Variants in CCDC32 observed in about 807,000 individuals in gnomAD.
The protein encoded by CCDC32 is coiled-coil domain containing 32, also known as coiled-coil domain-containing protein 32.
CCDC32 carries 9 observed loss-of-function variants against 20.1 expected under a neutral mutation model. The ratio of observed to expected loss-of-function variants is 0.45; its 90% CI spans 0.27 to 0.78. The LOEUF (loss-of-function observed/expected upper bound fraction) is 0.78, where lower values mean the gene tolerates loss of function less well. Among genes scored for constraint, CCDC32 ranks in the 30% least tolerant of loss-of-function variants. The pLI is 0.16. For missense variants in CCDC32, 204 were observed against 215.5 expected (o/e 0.95, Z 0.33); for synonymous variants, 63 against 79.0 (o/e 0.80, Z 1.07).
chr15:40,540,549 A>C (rs1429120124), intron 3 of CCDC32, among the ~76,000 whole-genome samples: 1 of 151,526 alleles, frequency 6.6e-6, no homozygotes, highest in East Asian at 1.9e-4. Context: ...TTGTATTTTT[A>C]GTAGAAACAG....
At chr15:40,551,956 T>G (rs1889895777), downstream of CCDC32, among the ~76,000 whole-genome samples, 1 of 151,290 alleles carries the variant, frequency 6.6e-6, no homozygotes, top group Admixed American at 6.6e-5. Context: ...GGTTCGAGAC[T>G]AACCTGGGCA....
chr15:40,533,102 G>T (rs2141599149), downstream of CCDC32, among the ~76,000 whole-genome samples: 1 of 152,252 alleles, frequency 6.6e-6, no homozygotes, highest in African/African-American at 2.4e-5. Flanking sequence ...ACCAGGTGCT[G>T]CCCACCACAG....
intron 3 of CCDC32, among the ~76,000 whole-genome samples, chr15:40,555,072 A>G (rs1020436760): frequency 2.0e-5 from 3 of 152,214 alleles, no homozygotes; most frequent in Non-Finnish European, 4.4e-5. Context: ...CCATTGTAAA[A>G]TGGCCTCTGT....
At chr15:40,552,406 G>A (rs1318905846), downstream of CCDC32, among the ~76,000 whole-genome samples, 1 of 148,424 alleles carries the variant, frequency 6.7e-6, no homozygotes, top group Non-Finnish European at 1.5e-5. Flanking sequence ...GCTTGAACCC[G>A]GGAGGCAGAG....
the CCDC32 span, among the ~76,000 whole-genome samples, chr15:40,521,167 A>C: frequency 6.6e-6 from 1 of 152,202 alleles, no homozygotes; most frequent in Non-Finnish European, 1.5e-5. Context: ...GGACCAGTGC[A>C]GTTCAAACCT....
intron 2 of CCDC32, 101 bp from the exon 3 acceptor site, chr15:40,557,473 G>A (rs979311682): frequency 1.6e-6 from 2 of 1,263,966 alleles, no homozygotes; most frequent in Non-Finnish European, 2.2e-6. Context: ...TCTCACCGAT[G>A]AGGACATCCA....
chr15:40,562,966 T>A lies in CCDC32; in HGVS notation c.50A>T (p.Asp17Val). Residue 17 changes from aspartate (D) to valine (V), a missense_variant, in exon 2 of 4, where the codon GAT (aspartate) becomes GTT (valine). By Grantham distance (152) the Asp-to-Val change is radical. Transcript: ENST00000416810. ...ACAGGAACAAATTTCAGCCCAGAGA[T>A]CCTGGCCAGATCTTGTGGCTGTAGA... ...ADSTATRSGQDLWAEICSCLP... is the reference protein window; with the variant it reads ...ADSTATRSGQVLWAEICSCLP... 1 of 1,614,202 alleles carries A rather than the reference T, an allele frequency of 6.2e-7. No individual in the cohort carries two copies. Among genetic ancestry groups the A allele is most frequent in the East Asian group, 2.2e-5 (1 of 44,884 alleles).
downstream of CCDC32, among the ~76,000 whole-genome samples, chr15:40,551,059 G>T (rs890130028): frequency 2.0e-5 from 3 of 152,108 alleles, no homozygotes; most frequent in African/African-American, 7.2e-5. Flanking sequence ...CATGCAGGGA[G>T]AATAAAAATT....
chr15:40,558,954 C>T (rs1300781665), intron 2 of CCDC32, among the ~76,000 whole-genome samples: 2 of 152,054 alleles, frequency 1.3e-5, no homozygotes, highest in Non-Finnish European at 1.5e-5. Flanking sequence ...CAGGCGCACA[C>T]CATCACACGT....
downstream of CCDC32, among the ~76,000 whole-genome samples, chr15:40,548,736 TGA>T (rs746375467): frequency 1.5e-3 from 232 of 150,120 alleles, no homozygotes; most frequent in Admixed American, 2.7e-3. Context: ...AGGAGCATGC[TGA>T]GAGAGAGAGA....
At chr15:40,534,831 C>G (rs12916323), downstream of CCDC32, 222,656 of 698,192 alleles carry the variant, frequency 0.32, 39,196 homozygotes, top group South Asian at 0.37. Flanking sequence ...ATTAGTGTTT[C>G]AACATGTATA....
the CCDC32 span, among the ~76,000 whole-genome samples, chr15:40,523,174 C>G: frequency 6.6e-6 from 1 of 151,686 alleles, no homozygotes; most frequent in African/African-American, 2.4e-5. Context: ...GAGTGAGCCA[C>G]TGTACCTGGC....
downstream of CCDC32, among the ~76,000 whole-genome samples, chr15:40,533,358 T>G (rs1566978289): frequency 6.6e-6 from 1 of 152,138 alleles, no homozygotes. Flanking sequence ...TTATTTTATT[T>G]ATTTATTTTG....
intron 3 of CCDC32, among the ~76,000 whole-genome samples, chr15:40,542,685 G>A (rs532824034): frequency 4.0e-5 from 6 of 151,834 alleles, no homozygotes; most frequent in Admixed American, 2.0e-4. Flanking sequence ...TGGCTAATAC[G>A]GTGAAACCCC....
exon 4 of CCDC32, chr15:40,539,325 G>A: frequency 6.5e-7 from 1 of 1,535,638 alleles, no homozygotes. Flanking sequence ...CAGAAAAGCT[G>A]CTGCTGCCAG....
downstream of CCDC32, among the ~76,000 whole-genome samples, chr15:40,532,714 C>CTTTTTT (rs1189285245): frequency 5.6e-4 from 51 of 91,466 alleles, no homozygotes; most frequent in Admixed American, 8.1e-4. Flanking sequence ...TGTTTTCTTT[C>CTTTTTT]TTTTTTTTTT....
downstream of CCDC32, chr15:40,538,924 T>G (rs73384327): frequency 1.0e-5 from 4 of 386,440 alleles, no homozygotes; most frequent in African/African-American, 8.1e-5. Flanking sequence ...CGCTGCCAAC[T>G]GGGGGCCTGA....
chr15:40,547,004 A>G (rs868465583), intron 3 of CCDC32, among the ~76,000 whole-genome samples: 4 of 150,892 alleles, frequency 2.7e-5, no homozygotes, highest in African/African-American at 7.4e-5. Context: ...CGCCTGACCT[A>G]TGTTTTGCAG....
chr15:40,528,572 A>G (rs1894929027), downstream of CCDC32: 7 of 570,788 alleles, frequency 1.2e-5, no homozygotes, highest in South Asian at 1.6e-4. Context: ...GGCTGCAAAG[A>G]GTCCAGGGCC....
Sources: gnomAD v4.1 joint callset for allele counts (sites outside exome capture counted in the v4.1 genomes callset) on GRCh38, gnomAD v4.1.1 for gene constraint, MANE v1.5 for transcripts, NCBI Gene and HGNC (gene_info 2026-07-23, HGNC 2026-07-21) for gene names.